CLDN10: variants seen among roughly 807,000 people sequenced by gnomAD.
CLDN10 encodes the protein claudin 10.
In CLDN10, 15 loss-of-function variants were observed where a neutral mutation model predicts 22.9. That is an observed-to-expected ratio of 0.65 (90% CI 0.44 to 1.01). The LOEUF (loss-of-function observed/expected upper bound fraction) is 1.01. Among genes scored for constraint, CLDN10 ranks in the 50% least tolerant of loss-of-function variants. CLDN10 has a pLI of 0.00. For synonymous variants in CLDN10, 114 were observed against 111.4 expected, an observed-to-expected ratio of 1.02 and a Z score of -0.15; for missense variants, 247 against 287.8, an observed-to-expected ratio of 0.86 and a Z score of 1.03.
intron 1 of CLDN10, among the ~76,000 whole-genome samples, chr13:95,473,499 C>T (rs897484650): frequency 6.6e-6 from 1 of 152,228 alleles, no homozygotes; most frequent in Non-Finnish European, 1.5e-5. Context: ...GGAACAGCTC[C>T]GCCCTCGGCC....
intron 1 of CLDN10, among the ~76,000 whole-genome samples, chr13:95,558,747 G>C (rs532568792): frequency 1.3e-5 from 2 of 152,220 alleles, no homozygotes; most frequent in East Asian, 1.9e-4. Flanking sequence ...GCATTACAGC[G>C]AGACACTGTC....
At chr13:95,527,906 G>A (rs1232008148) in intron 1 of CLDN10, among the ~76,000 whole-genome samples, 4 of 151,978 alleles carry the variant, frequency 2.6e-5, no homozygotes, top group African/African-American at 7.3e-5. Flanking sequence ...TTTGCTATTC[G>A]ACTGCTATCA....
intron 1 of CLDN10, among the ~76,000 whole-genome samples, chr13:95,491,404 C>T (rs993282861): frequency 1.3e-5 from 2 of 151,744 alleles, no homozygotes; most frequent in African/African-American, 4.8e-5. Flanking sequence ...AATTTGAAGA[C>T]CTTGTCTTCA....
chr13:95,539,798 C>T (rs569740097), intron 1 of CLDN10, among the ~76,000 whole-genome samples: 1 of 152,236 alleles, frequency 6.6e-6, no homozygotes, highest in Non-Finnish European at 1.5e-5. Flanking sequence ...TAGAAATTTG[C>T]AACATCCCAT....
At chr13:95,488,360 A>C (rs1057075145) in intron 1 of CLDN10, among the ~76,000 whole-genome samples, 2 of 151,340 alleles carry the variant, frequency 1.3e-5, no homozygotes, top group Non-Finnish European at 2.9e-5. Context: ...TTTTTTTAAC[A>C]ATTTTTTAAC....
At chr13:95,476,506 G>C (rs538236319) in intron 1 of CLDN10, among the ~76,000 whole-genome samples, 1 of 152,090 alleles carries the variant, frequency 6.6e-6, no homozygotes. Context: ...ATCACCTCCC[G>C]AAGGCCCCAC....
chr13:95,473,582 G>C (rs1005152724), intron 1 of CLDN10, among the ~76,000 whole-genome samples: 1 of 152,146 alleles, frequency 6.6e-6, no homozygotes, highest in East Asian at 1.9e-4. Context: ...TATTTCATTA[G>C]GCTCTCACGT....
chr13:95,552,894 C>A lies in CLDN10; in HGVS notation c.141C>A (p.Ala47=). 1 of 1,614,162 alleles carries A rather than the reference C, an allele frequency of 6.2e-7. No homozygotes were observed. Among genetic ancestry groups the A allele is most frequent in the Non-Finnish European group, 8.5e-7 (1 of 1,180,016 alleles). The change falls in exon 1 of 5, where the codon GCC becomes GCA. Residue 47 remains alanine (A), a synonymous_variant. Transcript: ENST00000299339. ...TCATCACAACCGCCACCTATTGGGC[C>A]AACCTGTGGAAGGCGTGCGTTACCG... ...GTVITTATYW[A]NLWKACVTDS...
chr13:95,471,453 A>ATATATATTTTT (rs776857009), intron 1 of CLDN10, among the ~76,000 whole-genome samples: 6 of 106,412 alleles, frequency 5.6e-5, no homozygotes, highest in African/African-American at 2.4e-4. Context: ...ATATATATAT[A>ATATATATTTTT]TTTTTTTTTT....
At chr13:95,555,124 G>A (rs745714698) in intron 1 of CLDN10, among the ~76,000 whole-genome samples, 4 of 141,270 alleles carry the variant, frequency 2.8e-5, no homozygotes, top group East Asian at 2.2e-4. Flanking sequence ...AATCTCAGCC[G>A]ACTGCAACCT....
chr13:95,493,806 C>T lies in CLDN10; in HGVS notation c.214+59759C>T, dbSNP rs117048211. Among the ~76,000 whole-genome samples, 393 of 152,224 alleles carry T rather than the reference C, an allele frequency of 2.6e-3. 10 individuals are homozygous for T. The East Asian group carries it at 0.059, about 23-fold the overall frequency. On this transcript the variant is annotated intron_variant, in intron 1 of 4. Transcript: ENST00000376873. The stretch of plus-strand genomic sequence containing the variant: ...AACTTCTGGCCTCAAGTATTCAGCC[C>T]GCCTCAGCTTCCCAAAGTGCTGGGA...
intron 1 of CLDN10, among the ~76,000 whole-genome samples, chr13:95,450,446 G>A (rs2042422437): frequency 6.6e-6 from 1 of 152,174 alleles, no homozygotes; most frequent in South Asian, 2.1e-4. Context: ...GCTCTGAGAT[G>A]TCTGAATCCA....
At chr13:95,520,961 CA>C (rs541045266) in intron 1 of CLDN10, among the ~76,000 whole-genome samples, 20 of 128,592 alleles carry the variant, frequency 1.6e-4, no homozygotes, top group Admixed American at 5.5e-4. Flanking sequence ...CGAGACTCCT[CA>C]AAAAAAAAAA....
intron 1 of CLDN10, among the ~76,000 whole-genome samples, chr13:95,487,526 T>G (rs1188601962): frequency 6.6e-6 from 1 of 152,078 alleles, no homozygotes; most frequent in Admixed American, 6.6e-5. Flanking sequence ...AGACCAGGAG[T>G]TTCATTAGGA....
intron 1 of CLDN10, among the ~76,000 whole-genome samples, chr13:95,547,632 G>A (rs987867640): frequency 3.3e-5 from 5 of 152,154 alleles, no homozygotes; most frequent in Admixed American, 1.3e-4. Context: ...GTGATGCTGA[G>A]TGAGATTAGG....
At chr13:95,555,051 T>TG (rs377426874) in intron 1 of CLDN10, among the ~76,000 whole-genome samples, 39,604 of 147,766 alleles carry the variant, frequency 0.27, 5,651 homozygotes, top group South Asian at 0.33. Context: ...AATCCAGTTT[T>TG]TTTTTTTTTT....
intron 1 of CLDN10, among the ~76,000 whole-genome samples, chr13:95,478,976 A>G (rs1167603573): frequency 6.6e-6 from 1 of 152,244 alleles, no homozygotes; most frequent in Non-Finnish European, 1.5e-5. Flanking sequence ...AGGAACTTTC[A>G]TTTTATTAGC....
intron 1 of CLDN10, among the ~76,000 whole-genome samples, chr13:95,509,699 C>T (rs764976960): frequency 2.0e-5 from 3 of 152,178 alleles, no homozygotes; most frequent in Non-Finnish European, 4.4e-5. Context: ...ACGGTGATTC[C>T]AGTCCCCTCT....
intron 1 of CLDN10, among the ~76,000 whole-genome samples, chr13:95,445,407 T>C (rs1048201367): frequency 2.0e-5 from 3 of 152,210 alleles, no homozygotes; most frequent in Non-Finnish European, 4.4e-5. Flanking sequence ...AGAATACCCA[T>C]GGGGCTTACA....
Sources: allele counts gnomAD v4.1 joint callset (sites outside exome capture counted in the v4.1 genomes callset), GRCh38; gene constraint gnomAD v4.1.1; transcripts MANE v1.5; gene names NCBI Gene and HGNC (gene_info 2026-07-23, HGNC 2026-07-21).